The following ARHGAP6 variants were observed in gnomAD, a reference collection of about 807,000 sequenced individuals.
ARHGAP6 encodes the protein Rho GTPase activating protein 6.
Under a neutral mutation model 55.7 loss-of-function variants are expected in ARHGAP6, and 16 were observed. The ratio of observed to expected loss-of-function variants is 0.29; its 90% CI spans 0.19 to 0.44. The LOEUF (loss-of-function observed/expected upper bound fraction) is 0.44. Ranked by LOEUF, ARHGAP6 falls within the 20% of genes least tolerant of loss-of-function variation. The pLI, the probability that ARHGAP6 is intolerant of heterozygous loss-of-function variation, is 1.00. For synonymous variants in ARHGAP6, 382 were observed against 360.9 expected, an observed-to-expected ratio of 1.06 and a Z score of -0.66; for missense variants, 698 against 808.9, an observed-to-expected ratio of 0.86 and a Z score of 1.66.
At position 11,630,751 on chromosome X, in the gene ARHGAP6, C is replaced by T. The variant is rs192017133; in HGVS notation, c.588+33490G>A. On this transcript the variant is annotated intron_variant, in intron 1 of 12. Transcript: ENST00000337414. ...GGAAAAGATTTCTGACCAATGTTAA[C>T]GACATTCTTCCTTTGACTGGCAATA... Among the ~76,000 whole-genome samples the T allele has an allele frequency of 4.2e-4, 47 of 111,887 alleles. No homozygotes were observed. In the East Asian group the frequency reaches 6.2e-3, roughly 15 times the overall value.
intron 9 of ARHGAP6, among the ~76,000 whole-genome samples, chrX:11,162,338 C>CG (rs1274342588): frequency 3.2e-5 from 3 of 94,271 alleles, no homozygotes; most frequent in East Asian, 4.0e-4. Flanking sequence ...ACTGTGCCCC[C>CG]CCCCCCATAT....
At chrX:11,615,615 C>T (rs2052153943) in intron 1 of ARHGAP6, among the ~76,000 whole-genome samples, 1 of 111,819 alleles carries the variant, frequency 8.9e-6, no homozygotes, top group African/African-American at 3.3e-5. Flanking sequence ...AAACAAAACA[C>T]CTAAAACATC....
chrX:11,439,750 C>T (rs1055971024), intron 1 of ARHGAP6, among the ~76,000 whole-genome samples: 2 of 112,138 alleles, frequency 1.8e-5, no homozygotes, highest in African/African-American at 6.5e-5. Context: ...TGTATCTGAG[C>T]TTTTAAAGAC....
At chrX:11,606,223 T>G (rs953844331) in intron 1 of ARHGAP6, among the ~76,000 whole-genome samples, 5 of 112,058 alleles carry the variant, frequency 4.5e-5, no homozygotes, top group African/African-American at 1.6e-4. Flanking sequence ...CCACTTGGAC[T>G]GGATAGGAAG....
At chrX:11,641,706 A>G (rs1266107935) in intron 1 of ARHGAP6, among the ~76,000 whole-genome samples, 2 of 112,045 alleles carry the variant, frequency 1.8e-5, no homozygotes, top group African/African-American at 6.5e-5. Context: ...TTTCACCAAG[A>G]CATACATTCT....
At chrX:11,649,991 C>CTT (rs201517374) in intron 1 of ARHGAP6, among the ~76,000 whole-genome samples, 7 of 88,108 alleles carry the variant, frequency 7.9e-5, no homozygotes, top group Non-Finnish European at 9.0e-5. Context: ...ACTTTCTTTT[C>CTT]TTTTTTTTTT....
chrX:11,196,449 C>T (rs748415326), intron 3 of ARHGAP6, among the ~76,000 whole-genome samples: 15 of 109,657 alleles, frequency 1.4e-4, no homozygotes, highest in African/African-American at 5.0e-4. Context: ...AGGTTAGTTG[C>T]AAATAAATAT....
Position 11,360,481 on chromosome X carries a change from A to G in ARHGAP6, c.589-105774T>C, listed in dbSNP as rs192703292. Reference sequence around the variant, plus strand: ...ACCCCTCATGCCAAAAACTCTCAATAAATTAGGTATTGATGGGACGTATCT... The same window carrying G: ...ACCCCTCATGCCAAAAACTCTCAATGAATTAGGTATTGATGGGACGTATCT... On this transcript the variant is annotated intron_variant, in intron 1 of 12. Coordinates refer to ENST00000337414, the MANE Select transcript of ARHGAP6 (RefSeq NM_013427.3). Among the ~76,000 whole-genome samples the G allele has an allele frequency of 3.6e-5, 4 of 109,655 alleles. No individual in the cohort carries two copies. The East Asian group carries it at 1.1e-3, about 31-fold the overall frequency.
intron 1 of ARHGAP6, among the ~76,000 whole-genome samples, chrX:11,644,956 T>C (rs2052511851): frequency 8.9e-6 from 1 of 111,746 alleles, no homozygotes; most frequent in Admixed American, 9.5e-5. Context: ...GACGGGTGAA[T>C]GGAAAAACAA....
chrX:11,192,539 C>A (rs2147353900), intron 3 of ARHGAP6, among the ~76,000 whole-genome samples: 1 of 112,213 alleles, frequency 8.9e-6, no homozygotes, highest in East Asian at 2.8e-4. Flanking sequence ...TTGAGAATTT[C>A]TACATAGTGA....
intron 6 of ARHGAP6, 113 bp downstream of exon 6, chrX:11,181,950 T>TAAA: frequency 7.3e-5 from 36 of 492,378 alleles, no homozygotes; most frequent in Non-Finnish European, 8.6e-5. Context: ...GCTTGGAGGG[T>TAAA]AAAAAAAAAA....
chrX:11,263,088 A>C (rs2047582175), intron 1 of ARHGAP6, among the ~76,000 whole-genome samples: 2 of 110,756 alleles, frequency 1.8e-5, no homozygotes, highest in African/African-American at 3.3e-5. Flanking sequence ...ACAATCACTA[A>C]TGTTGGAGGT....
At position 11,242,135 on chromosome X, in the gene ARHGAP6, A is replaced by G. The variant is rs757246723; in HGVS notation, c.748+12413T>C. ...ATTAGTTCTAAAATTTTTCTATATC[A>G]TCTTCAAGAGGAGAAAAAAAACTTC... On this transcript the variant is annotated intron_variant, in intron 2 of 12. Transcript: ENST00000337414. Among the ~76,000 whole-genome samples the G allele has an allele frequency of 1.7e-3, 187 of 112,089 alleles. 1 individual carries two copies. Among genetic ancestry groups the G allele is most frequent in the Non-Finnish European group, 2.2e-3 (115 of 53,171 alleles).
At chrX:11,345,991 G>A (rs1347658103) in intron 1 of ARHGAP6, among the ~76,000 whole-genome samples, 1 of 109,531 alleles carries the variant, frequency 9.1e-6, no homozygotes, top group Non-Finnish European at 1.9e-5. Flanking sequence ...AAGAGATGAG[G>A]GTTTCTCTAT....
At chrX:11,346,012 C>A (rs2048779161) in intron 1 of ARHGAP6, among the ~76,000 whole-genome samples, 1 of 109,464 alleles carries the variant, frequency 9.1e-6, no homozygotes, top group Non-Finnish European at 1.9e-5. Flanking sequence ...GCTGCCCAGG[C>A]TGGACACAAA....
At chrX:11,144,616 G>T (rs886151994) in intron 10 of ARHGAP6, among the ~76,000 whole-genome samples, 1 of 112,197 alleles carries the variant, frequency 8.9e-6, no homozygotes, top group African/African-American at 3.2e-5. Context: ...ATTAGGTAAG[G>T]ATACACTAGT....
rs141936852 is a variant in ARHGAP6 at position 11,189,761 on chromosome X, A to G, written c.821-777T>C. Among the ~76,000 whole-genome samples the G allele has an allele frequency of 7.1e-3, 798 of 112,206 alleles. 7 individuals carry two copies. The highest frequency in any genetic ancestry group is 0.024 in the African/African-American group (742 of 30,929). On this transcript the variant is annotated intron_variant, in intron 3 of 12. Transcript: ENST00000337414. ...GGAAAGGGGCATAGTGCAGAAATCAATGGCTTTATTTGGAGACATACATAG... is the reference window on the plus strand; with the variant it reads ...GGAAAGGGGCATAGTGCAGAAATCAGTGGCTTTATTTGGAGACATACATAG...
intron 2 of ARHGAP6, among the ~76,000 whole-genome samples, chrX:11,211,456 T>C (rs1248658238): frequency 9.0e-6 from 1 of 111,127 alleles, no homozygotes; most frequent in Non-Finnish European, 1.9e-5. Context: ...GTTCTCAATC[T>C]CCTGACCTCG....
chrX:11,172,586 T>C (rs2046108497), intron 8 of ARHGAP6, among the ~76,000 whole-genome samples: 1 of 111,990 alleles, frequency 8.9e-6, no homozygotes, highest in African/African-American at 3.2e-5. Flanking sequence ...TAGAGCTCTG[T>C]TTCCGCTCTT....
Sources: gnomAD v4.1 joint callset for allele counts (sites outside exome capture counted in the v4.1 genomes callset) on GRCh38, gnomAD v4.1.1 for gene constraint, MANE v1.5 for transcripts, NCBI Gene and HGNC (gene_info 2026-07-23, HGNC 2026-07-21) for gene names.